DCTN4: variants seen among roughly 807,000 people sequenced by gnomAD.
DCTN4 encodes the protein dynactin subunit 4.
DCTN4 carries 23 observed loss-of-function variants against 62.7 expected under a neutral mutation model. The observed-to-expected ratio is 0.37, with a 90% CI of 0.26 to 0.52. DCTN4 has a LOEUF of 0.52. Ranked by LOEUF, DCTN4 falls within the 20% of genes least tolerant of loss-of-function variation. The pLI is 0.92. For synonymous variants in DCTN4, 199 were observed against 202.1 expected, an observed-to-expected ratio of 0.98 and a Z score of 0.13; for missense variants, 514 against 580.4, an observed-to-expected ratio of 0.89 and a Z score of 1.18.
Position 150,730,642 on chromosome 5 carries a change from G to A in DCTN4, c.823C>T (p.Leu275=). 6.2e-7 allele frequency: 1 copy of A among 1,613,854 alleles called. No homozygotes were observed. The highest frequency in any genetic ancestry group is 2.2e-5 in the East Asian group (1 of 44,872). Residue 275 remains leucine, a synonymous_variant, in exon 8 of 13, where the codon CTG becomes TTG. Transcript: ENST00000447998. ...RHKHLLIKRS[L]RCRKCEHNLS... ...AATGGAATACTTACACGGCAGCGCA[G>A]GGACCGTTTGATCAGAAGATGTTTG... is the stretch of plus-strand genomic sequence containing the variant.
intron 4 of DCTN4, among the ~76,000 whole-genome samples, chr5:150,738,732 T>C (rs146366753): frequency 4.3e-4 from 65 of 152,242 alleles, no homozygotes; most frequent in African/African-American, 1.4e-3. Flanking sequence ...ACCACTTCTA[T>C]TCAACACAGT....
intron 6 of DCTN4, 38 bp downstream of exon 6, chr5:150,731,378 T>G: frequency 6.6e-7 from 1 of 1,518,036 alleles, no homozygotes; most frequent in African/African-American, 1.4e-5. Flanking sequence ...TTTTGATACC[T>G]GCTGTTCTCC....
chr5:150,722,873 C>A, intron 9 of DCTN4, 34 bp downstream of exon 9: 1 of 1,558,916 alleles, frequency 6.4e-7, no homozygotes, highest in Non-Finnish European at 8.8e-7. Flanking sequence ...TAACTCAAAA[C>A]AGTAACTGAA....
chr5:150,711,006 A>C lies in DCTN4; in HGVS notation c.*143T>G. ...ACCCTGTGTTCCCAATGCCTTGCCT[A>C]TGCTCCCACTTTCTTAGCAATAGAA... On this transcript the variant is annotated 3_prime_UTR_variant, in exon 13 of 13. Transcript: ENST00000447998. 1.2e-6 allele frequency: 1 copy of C among 811,248 alleles called. No individual in the cohort carries two copies. The highest frequency in any genetic ancestry group is 2.6e-5 in the Admixed American group (1 of 38,930). The allele number at this position is 811,248 out of a possible 1,614,324, so 50.3% of individuals were successfully genotyped here. A position where few individuals can be genotyped will look rare whatever the true frequency, so the allele number is the denominator to read the frequency against.
In DCTN4 at chr5:150,758,136, C is replaced by T. The variant is rs535056622; in HGVS notation, c.135+723G>A. 43 of 985,546 alleles carry T rather than the reference C, an allele frequency of 4.4e-5. No individual in the cohort carries two copies. The African/African-American group carries it at 7.3e-4, about 17-fold the overall frequency. 61.1% of individuals were successfully genotyped at this position (985,546 alleles called of 1,614,324 possible). On this transcript the variant is annotated intron_variant, in intron 1 of 12. Coordinates refer to ENST00000447998, the MANE Select transcript of DCTN4 (RefSeq NM_016221.4). ...CTCGCCTTTTAATCCCTAAAGCTTA[C>T]TGAATAAACAAGATGTGCCAAGCGC...
Position 150,730,701 on chromosome 5 carries a change from T to A in DCTN4, c.764A>T (p.Gln255Leu), listed in dbSNP as rs879195313. The change falls in exon 8 of 13, where the codon CAG (glutamine) becomes CTG (leucine). Residue 255 changes from glutamine to leucine, a missense_variant. By Grantham distance (113) the Gln-to-Leu change is moderately radical. Transcript: ENST00000447998. ...LQQRLLQPDF[Q>L]PVCASQLYPR... The stretch of plus-strand genomic sequence containing the variant: ...ATAGAGCTGTGAAGCACAGACTGGC[T>A]GGAAGTCAGGCTGTAACAGACGCTG... The A allele has an allele frequency of 6.2e-7, 1 of 1,614,130 alleles. No homozygotes were observed. The highest frequency in any genetic ancestry group is 8.5e-7 in the Non-Finnish European group (1 of 1,180,000).
chr5:150,716,337 T>C (rs114243144), intron 11 of DCTN4, among the ~76,000 whole-genome samples: 180 of 152,294 alleles, frequency 1.2e-3, no homozygotes, highest in African/African-American at 4.2e-3. Context: ...CAACACAATG[T>C]TTTTTGACAT....
At chr5:150,717,174 A>G (rs114314715) in intron 11 of DCTN4, among the ~76,000 whole-genome samples, 70 of 152,346 alleles carry the variant, frequency 4.6e-4, no homozygotes, top group African/African-American at 1.7e-3. Flanking sequence ...CAAGTACTAG[A>G]AGTAGCAAAA....
chr5:150,725,438 A>T (rs902266020), intron 8 of DCTN4, among the ~76,000 whole-genome samples: 2 of 151,866 alleles, frequency 1.3e-5, no homozygotes, highest in African/African-American at 4.8e-5. Context: ...TTAAGAAATC[A>T]ACTTCTGATT....
chr5:150,741,345 A>T (rs1292307340), intron 4 of DCTN4, among the ~76,000 whole-genome samples: 1 of 152,188 alleles, frequency 6.6e-6, no homozygotes, highest in Non-Finnish European at 1.5e-5. Context: ...CATATATTTT[A>T]AAATACTTGT....
intron 1 of DCTN4, 150 bp from the exon 2 acceptor site, chr5:150,756,637 C>CTT (rs1243281479): frequency 5.8e-5 from 13 of 225,814 alleles, no homozygotes; most frequent in Non-Finnish European, 6.3e-5. Context: ...CTTCAGTCAC[C>CTT]TGTTTTTTTT....
intron 8 of DCTN4, among the ~76,000 whole-genome samples, chr5:150,728,797 T>C (rs1235499845): frequency 1.3e-5 from 2 of 152,172 alleles, no homozygotes; most frequent in Non-Finnish European, 2.9e-5. Flanking sequence ...GTTTGTCTTT[T>C]AATGGAAGCA....
intron 3 of DCTN4, among the ~76,000 whole-genome samples, chr5:150,752,394 C>G (rs1752708367): frequency 6.6e-6 from 1 of 152,140 alleles, no homozygotes; most frequent in Non-Finnish European, 1.5e-5. Flanking sequence ...ACCAATTTTT[C>G]TCTTTCACTG....
At chr5:150,731,766 C>A (rs1219021318) in intron 5 of DCTN4, 9 of 938,394 alleles carry the variant, frequency 9.6e-6, no homozygotes, top group Non-Finnish European at 1.3e-5. Flanking sequence ...AGTATCTAAG[C>A]TACGGCTCAG....
chr5:150,722,770 G>A, intron 9 of DCTN4, 137 bp downstream of exon 9: 1 of 612,556 alleles, frequency 1.6e-6, no homozygotes, highest in Admixed American at 3.3e-5. Context: ...AACCTAAACA[G>A]GAACAGAATG....
chr5:150,752,782 T>C (rs1333885605), intron 3 of DCTN4, among the ~76,000 whole-genome samples: 1 of 152,234 alleles, frequency 6.6e-6, no homozygotes, highest in Non-Finnish European at 1.5e-5. Flanking sequence ...TATTGACTTA[T>C]AAGCGTTCCT....
chr5:150,729,947 T>C (rs974573747), intron 8 of DCTN4, among the ~76,000 whole-genome samples: 4 of 151,720 alleles, frequency 2.6e-5, no homozygotes, highest in Admixed American at 2.0e-4. Context: ...ACTCTATACA[T>C]TGTGTTTGGT....
chr5:150,758,833 T>G, intron 1 of DCTN4, 26 bp downstream of exon 1: 1 of 1,598,954 alleles, frequency 6.3e-7, no homozygotes, highest in Non-Finnish European at 8.6e-7. Flanking sequence ...CCACCCCACA[T>G]ACTCGCTATA....
At chr5:150,754,962 CAA>C (rs60837855) in intron 2 of DCTN4, among the ~76,000 whole-genome samples, 27 of 136,776 alleles carry the variant, frequency 2.0e-4, no homozygotes, top group African/African-American at 4.7e-4. Context: ...GACCCTGTCT[CAA>C]AAAAAAAAAA....
Sources: allele counts gnomAD v4.1 joint callset (sites outside exome capture counted in the v4.1 genomes callset), GRCh38; gene constraint gnomAD v4.1.1; transcripts MANE v1.5; gene names NCBI Gene and HGNC (gene_info 2026-07-23, HGNC 2026-07-21).